Variants in SORCS2 observed in about 807,000 individuals in gnomAD.
SORCS2 encodes sortilin related VPS10 domain containing receptor 2, also known as VPS10 domain-containing receptor SorCS2.
SORCS2 carries 100 observed loss-of-function variants against 141.6 expected under a neutral mutation model. The ratio of observed to expected loss-of-function variants is 0.71; its 90% CI spans 0.60 to 0.83. SORCS2 has a LOEUF of 0.83. SORCS2 is among the 40% of genes least tolerant of loss of function. The pLI, the probability that SORCS2 is intolerant of heterozygous loss-of-function variation, is 0.00. For missense variants in SORCS2, 1,646 were observed against 1,560.2 expected, an observed-to-expected ratio of 1.05 and a Z score of -0.93; for synonymous variants, 789 against 676.9, an observed-to-expected ratio of 1.17 and a Z score of -2.57.
intron 4 of SORCS2, among the ~76,000 whole-genome samples, chr4:7,652,773 C>T (rs78366195): frequency 2.6e-3 from 393 of 152,252 alleles, no homozygotes; most frequent in African/African-American, 8.2e-3. Context: ...CTACTTGAAA[C>T]GCTGTCTGAC....
chr4:7,424,144 T>G (rs976515708), intron 2 of SORCS2, among the ~76,000 whole-genome samples: 2 of 152,148 alleles, frequency 1.3e-5, no homozygotes, highest in African/African-American at 4.8e-5. Flanking sequence ...CCTGGCCATG[T>G]GTGAAAAGCG....
chr4:7,336,024 G>T (rs905583981), intron 1 of SORCS2, among the ~76,000 whole-genome samples: 26 of 152,220 alleles, frequency 1.7e-4, no homozygotes, highest in African/African-American at 6.3e-4. Context: ...ATGATGGTAA[G>T]GTGACTTCCT....
chr4:7,515,323 T>C (rs902429102), intron 2 of SORCS2, among the ~76,000 whole-genome samples: 5 of 152,152 alleles, frequency 3.3e-5, no homozygotes, highest in Non-Finnish European at 7.4e-5. Flanking sequence ...TCATTAACCA[T>C]GGAGGTGCCC....
In SORCS2 at chr4:7,676,198, C is replaced by T. The variant is rs756903443; in HGVS notation, c.1310C>T (p.Ala437Val). 4.8e-5 allele frequency: 74 copies of T among 1,551,726 alleles called. No individual in the cohort carries two copies. The highest frequency in any genetic ancestry group is 1.8e-4 in the Middle Eastern group (1 of 5,628). The change falls in exon 9 of 27, where the codon GCG becomes GTG. Residue 437 changes from alanine to valine, a missense_variant. Coordinates refer to ENST00000507866, the MANE Select transcript of SORCS2 (RefSeq NM_020777.3). ...CAGGACGTGCGCAGCTCACGGCAGG[C>T]GGAGGAGAGCGTGCTCATCGACATC... ...VLQDVRSSRQ[A>V]EESVLIDILE...
intron 19 of SORCS2, among the ~76,000 whole-genome samples, chr4:7,724,665 GATA>G (rs1381479856): frequency 6.8e-6 from 1 of 147,294 alleles, no homozygotes; most frequent in Non-Finnish European, 1.5e-5. Flanking sequence ...TAGTTATGGT[GATA>G]ATGGTGGTAG....
At chr4:7,568,697 C>T (rs1338451731) in intron 3 of SORCS2, among the ~76,000 whole-genome samples, 1 of 152,222 alleles carries the variant, frequency 6.6e-6, no homozygotes, top group African/African-American at 2.4e-5. Flanking sequence ...CCCTCAAAAA[C>T]TTAAAATATC....
intron 1 of SORCS2, among the ~76,000 whole-genome samples, chr4:7,300,096 C>G (rs1321798026): frequency 6.6e-6 from 1 of 152,108 alleles, no homozygotes; most frequent in Admixed American, 6.5e-5. Flanking sequence ...TGCTGAGGAC[C>G]GGGAGGTGGA....
intron 2 of SORCS2, among the ~76,000 whole-genome samples, chr4:7,500,734 C>A (rs756453632): frequency 9.9e-5 from 15 of 152,192 alleles, no homozygotes; most frequent in Non-Finnish European, 1.9e-4. Flanking sequence ...CCAAGAGGAC[C>A]TCTCTGAGCT....
chr4:7,343,445 C>A (rs1354871935), intron 1 of SORCS2, among the ~76,000 whole-genome samples: 4 of 152,224 alleles, frequency 2.6e-5, no homozygotes, highest in Admixed American at 2.6e-4. Context: ...TGGAACAGGG[C>A]AGGCTTGGTG....
At chr4:7,626,869 A>G (rs542394396) in intron 3 of SORCS2, among the ~76,000 whole-genome samples, 31 of 152,350 alleles carry the variant, frequency 2.0e-4, no homozygotes, top group African/African-American at 6.0e-4. Context: ...TGCTGGCTCA[A>G]TGAATGAAAA....
At chr4:7,390,677 C>G (rs375091905) in intron 1 of SORCS2, among the ~76,000 whole-genome samples, 22 of 152,340 alleles carry the variant, frequency 1.4e-4, no homozygotes, top group African/African-American at 5.3e-4. Flanking sequence ...GCACCGTGAA[C>G]TTCCCTTGGA....
At chr4:7,371,324 T>A (rs4632657) in intron 1 of SORCS2, among the ~76,000 whole-genome samples, 29,468 of 152,100 alleles carry the variant, frequency 0.19, 3,134 homozygotes, top group African/African-American at 0.29. Context: ...GGAGCACATC[T>A]GAAGTGACGC....
At chr4:7,241,580 C>T (rs1341974739) in intron 1 of SORCS2, among the ~76,000 whole-genome samples, 2 of 152,146 alleles carry the variant, frequency 1.3e-5, no homozygotes, top group East Asian at 1.9e-4. Flanking sequence ...ATGCCCCTCC[C>T]TGCCCTTCTG....
chr4:7,372,125 G>C (rs1722295622), intron 1 of SORCS2, among the ~76,000 whole-genome samples: 1 of 152,178 alleles, frequency 6.6e-6, no homozygotes, highest in East Asian at 1.9e-4. Flanking sequence ...TTGCTGATAT[G>C]GGTCAGTTGG....
intron 12 of SORCS2, among the ~76,000 whole-genome samples, chr4:7,700,478 G>C (rs1195873989): frequency 2.6e-5 from 4 of 152,142 alleles, no homozygotes; most frequent in Non-Finnish European, 4.4e-5. Flanking sequence ...CAGACCAATG[G>C]GTCTGTCGGA....
intron 1 of SORCS2, among the ~76,000 whole-genome samples, chr4:7,341,286 T>A (rs1481511894): frequency 6.6e-6 from 1 of 152,194 alleles, no homozygotes; most frequent in Non-Finnish European, 1.5e-5. Context: ...CACATGCTGT[T>A]CTTTCTCTCT....
At chr4:7,359,603 G>T (rs1002695950) in intron 1 of SORCS2, among the ~76,000 whole-genome samples, 5 of 152,164 alleles carry the variant, frequency 3.3e-5, no homozygotes, top group African/African-American at 9.7e-5. Flanking sequence ...CCAACGATTC[G>T]CTCCCAAGAT....
chr4:7,589,485 C>G lies in SORCS2; in HGVS notation c.649-48843C>G, dbSNP rs1251476307. 2.6e-5 allele frequency among the ~76,000 whole-genome samples: 4 copies of G among 152,160 alleles called. No homozygotes were observed. The East Asian group carries it at 7.7e-4, about 29-fold the overall frequency. On this transcript the variant is annotated intron_variant, in intron 3 of 26. Transcript: ENST00000507866. Reference sequence around the variant, plus strand: ...TGGCACGATCTCGGCTCATTGCAACCTCTACCTCCCGGGTTCAAGCGATTC... The same window carrying G: ...TGGCACGATCTCGGCTCATTGCAACGTCTACCTCCCGGGTTCAAGCGATTC...
chr4:7,376,915 C>A (rs1359911412), intron 1 of SORCS2, among the ~76,000 whole-genome samples: 1 of 151,892 alleles, frequency 6.6e-6, no homozygotes, highest in Admixed American at 6.6e-5. Context: ...ACCCAGCCCA[C>A]GGATGTTCCA....
Sources: gnomAD v4.1 joint callset for allele counts (sites outside exome capture counted in the v4.1 genomes callset) on GRCh38, gnomAD v4.1.1 for gene constraint, MANE v1.5 for transcripts, NCBI Gene and HGNC (gene_info 2026-07-23, HGNC 2026-07-21) for gene names.